FRMPD4: variants seen among roughly 807,000 people sequenced by gnomAD.
The protein encoded by FRMPD4 is FERM and PDZ domain containing 4, also known as FERM and PDZ domain-containing protein 4.
A neutral mutation model predicts 94.1 loss-of-function variants in FRMPD4; 22 were observed. That is an observed-to-expected ratio of 0.23 (90% CI 0.17 to 0.33). The LOEUF (loss-of-function observed/expected upper bound fraction) is 0.33. FRMPD4 is among the 10% of genes least tolerant of loss of function. FRMPD4 has a pLI of 1.00. For missense variants in FRMPD4, 1,111 were observed against 1,339.9 expected (o/e 0.83, Z 2.67); for synonymous variants, 631 against 548.6 (o/e 1.15, Z -2.10).
At chrX:12,672,956 G>C (rs2059858438) in intron 4 of FRMPD4, among the ~76,000 whole-genome samples, 1 of 112,127 alleles carries the variant, frequency 8.9e-6, no homozygotes, top group African/African-American at 3.2e-5. Context: ...CAGGAATGGT[G>C]GAAACCAGGA....
chrX:12,538,676 C>T (rs2058369208), intron 2 of FRMPD4, among the ~76,000 whole-genome samples: 1 of 111,912 alleles, frequency 8.9e-6, no homozygotes, highest in African/African-American at 3.3e-5. Context: ...GCAGCCTCCG[C>T]TGATACCCAG....
intron 3 of FRMPD4, among the ~76,000 whole-genome samples, chrX:12,121,108 C>T (rs988707058): frequency 9.2e-6 from 1 of 108,180 alleles, no homozygotes; most frequent in East Asian, 2.8e-4. Flanking sequence ...TATAATACTA[C>T]TACTAATAAT....
chrX:12,495,306 A>G (rs1307810156), intron 1 of FRMPD4, among the ~76,000 whole-genome samples: 2 of 112,478 alleles, frequency 1.8e-5, no homozygotes, highest in East Asian at 5.6e-4. Flanking sequence ...CAAAGACTTT[A>G]TAGCACATAC....
intron 1 of FRMPD4, among the ~76,000 whole-genome samples, chrX:12,324,213 TGTGTA>T (rs1281212270): frequency 2.7e-5 from 3 of 112,301 alleles, no homozygotes; most frequent in African/African-American, 9.7e-5. Flanking sequence ...TTGATAATGA[TGTGTA>T]GTTCAAGTTA....
chrX:12,108,443 C>A (rs1053676189), intron 3 of FRMPD4, among the ~76,000 whole-genome samples: 5 of 112,267 alleles, frequency 4.5e-5, no homozygotes, highest in Non-Finnish European at 7.5e-5. Context: ...TGGAAAGGAA[C>A]AACCAGTACC....
chrX:11,952,104 C>T (rs1299174158), intron 3 of FRMPD4, among the ~76,000 whole-genome samples: 1 of 112,286 alleles, frequency 8.9e-6, no homozygotes, highest in Non-Finnish European at 1.9e-5. Flanking sequence ...AGTAAGAGCC[C>T]AATTCAGTGG....
intron 3 of FRMPD4, among the ~76,000 whole-genome samples, chrX:12,066,152 A>G (rs2054918599): frequency 8.9e-6 from 1 of 112,155 alleles, no homozygotes; most frequent in Non-Finnish European, 1.9e-5. Flanking sequence ...ATTTTTATTA[A>G]CTCAAATAAA....
At chrX:12,191,459 A>T (rs1795623183) in intron 1 of FRMPD4, among the ~76,000 whole-genome samples, 1 of 112,324 alleles carries the variant, frequency 8.9e-6, no homozygotes, top group East Asian at 2.8e-4. Flanking sequence ...GTTTATAGAA[A>T]CATTATTTAT....
At chrX:12,356,261 T>C (rs1299660449) in intron 1 of FRMPD4, among the ~76,000 whole-genome samples, 1 of 112,330 alleles carries the variant, frequency 8.9e-6, no homozygotes, top group Non-Finnish European at 1.9e-5. Context: ...AACAGCCATC[T>C]CCAAATATGT....
At chrX:12,526,142 C>T (rs12014618) in intron 2 of FRMPD4, among the ~76,000 whole-genome samples, 1,867 of 112,176 alleles carry the variant, frequency 0.017, 39 homozygotes, top group African/African-American at 0.058. Flanking sequence ...CTCACAGGAG[C>T]AGCACTGATT....
chrX:12,257,307 G>GT (rs1352129630), intron 1 of FRMPD4, among the ~76,000 whole-genome samples: 5 of 110,168 alleles, frequency 4.5e-5, no homozygotes, highest in Admixed American at 9.6e-5. Flanking sequence ...GTTTCTGTGG[G>GT]TTTTTTTTCC....
intron 1 of FRMPD4, among the ~76,000 whole-genome samples, chrX:12,408,338 T>C (rs2056691682): frequency 9.1e-6 from 1 of 109,960 alleles, no homozygotes; most frequent in African/African-American, 3.3e-5. Context: ...CATCTAATTC[T>C]CAGTTTTCTT....
intron 3 of FRMPD4, among the ~76,000 whole-genome samples, chrX:12,062,596 T>C (rs1470160014): frequency 9.0e-6 from 1 of 111,691 alleles, no homozygotes; most frequent in Non-Finnish European, 1.9e-5. Context: ...CTCAAGTCAT[T>C]CTCTCTCCTC....
At position 12,379,642 on chromosome X, in the gene FRMPD4, CGTGTGT is replaced by C. The variant is rs55742933; in HGVS notation, c.42-119001_42-118996del. ...AATATACATTTTATTGATATGCTGC[CGTGTGT>C]GTGTGTGTGTGTGTGTGTGTGTGTG... On this transcript the variant is annotated intron_variant, in intron 1 of 16. Coordinates refer to ENST00000675598, the MANE Select transcript of FRMPD4 (RefSeq NM_001368397.1). 7.7e-3 allele frequency among the ~76,000 whole-genome samples: 693 copies of C among 89,948 alleles called. 3 individuals carry two copies. Among genetic ancestry groups the C allele is most frequent in the African/African-American group, 8.2e-3 (203 of 24,815 alleles). The allele number at this position is 89,948 out of a possible 115,157, so 78.1% of individuals were successfully genotyped here. A position where few individuals can be genotyped will look rare whatever the true frequency, so the allele number is the denominator to read the frequency against.
intron 1 of FRMPD4, among the ~76,000 whole-genome samples, chrX:12,154,049 A>G (rs1023455057): frequency 1.8e-5 from 2 of 112,938 alleles, no homozygotes; most frequent in Non-Finnish European, 3.7e-5. Context: ...TGCCCTTTGC[A>G]GAAAGTTTTC....
chrX:12,291,435 A>T (rs1254391491), intron 1 of FRMPD4, among the ~76,000 whole-genome samples: 3 of 111,825 alleles, frequency 2.7e-5, no homozygotes, highest in African/African-American at 9.8e-5. Context: ...GGATGATCTT[A>T]TCTGTCCTCA....
intron 3 of FRMPD4, among the ~76,000 whole-genome samples, chrX:12,024,694 A>G (rs143928991): frequency 0.032 from 3,566 of 112,387 alleles, 139 homozygotes; most frequent in African/African-American, 0.11. Context: ...ATTTTAAAAA[A>G]TAATTCACAT....
intron 2 of FRMPD4, among the ~76,000 whole-genome samples, chrX:12,502,443 A>G (rs1281918947): frequency 9.0e-6 from 1 of 111,624 alleles, no homozygotes; most frequent in Non-Finnish European, 1.9e-5. Context: ...AAGAAACTAC[A>G]AGGAAAAGGA....
intron 4 of FRMPD4, among the ~76,000 whole-genome samples, chrX:12,662,118 A>G (rs1250867123): frequency 8.9e-6 from 1 of 112,101 alleles, no homozygotes; most frequent in African/African-American, 3.2e-5. Flanking sequence ...ATTTTCATGA[A>G]TAGTGACTGT....
Sources: gnomAD v4.1 joint callset for allele counts (sites outside exome capture counted in the v4.1 genomes callset) on GRCh38, gnomAD v4.1.1 for gene constraint, MANE v1.5 for transcripts, NCBI Gene and HGNC (gene_info 2026-07-23, HGNC 2026-07-21) for gene names.